NRTN: variants seen among roughly 807,000 people sequenced by gnomAD.
NRTN encodes the protein neurturin, also known as prepro-neurturin.
In NRTN, 3 loss-of-function variants were observed where a neutral mutation model predicts 7.5. That is an observed-to-expected ratio of 0.40 (90% CI 0.18 to 1.03). The LOEUF (loss-of-function observed/expected upper bound fraction) is 1.03. Among genes scored for constraint, NRTN ranks in the 50% least tolerant of loss-of-function variants. NRTN has a pLI of 0.34. For missense variants in NRTN, 310 were observed against 307.0 expected, an observed-to-expected ratio of 1.01 and a Z score of -0.07; for synonymous variants, 157 against 146.6, an observed-to-expected ratio of 1.07 and a Z score of -0.51.
rs2057045942 is a variant in NRTN, at chr19:5,826,243, G to C, written c.170-1506G>C. On this transcript the variant is annotated intron_variant, in intron 2 of 2. Transcript: ENST00000303212. ...TGTCTGCTTCGATGCACCCCTCTGG[G>C]GTTGGGTGTGCCCCCTAACCCCCCA... Among the ~76,000 whole-genome samples the C allele has an allele frequency of 2.0e-5, 3 of 152,168 alleles. No individual in the cohort carries two copies. The South Asian group carries it at 6.2e-4, about 32-fold the overall frequency.
At chr19:5,826,117 A>T (rs1298813913) in intron 2 of NRTN, among the ~76,000 whole-genome samples, 1 of 151,008 alleles carries the variant, frequency 6.6e-6, no homozygotes, top group Admixed American at 6.6e-5. Context: ...CCTGGGCGAC[A>T]GAGCGAGACT....
chr19:5,814,724 C>A (rs979376749), intron 1 of NRTN, among the ~76,000 whole-genome samples: 3 of 152,218 alleles, frequency 2.0e-5, no homozygotes, highest in Non-Finnish European at 1.5e-5. Context: ...CGTTGGGCTG[C>A]TCTTTGCCTC....
intron 2 of NRTN, among the ~76,000 whole-genome samples, chr19:5,825,621 G>A (rs551317468): frequency 1.3e-5 from 2 of 152,310 alleles, no homozygotes; most frequent in African/African-American, 4.8e-5. Context: ...CTTGGGGTGC[G>A]GGGGGCAAAG....
rs2057057221 is a variant in NRTN at position 5,828,255 on chromosome 19, G to A, written c.*82G>A. ...GCCGGCCCCGCGAAAGACTGCGCGT[G>A]CGTAGAGCACGCCGGCGCGGCCCCG... On this transcript the variant is annotated 3_prime_UTR_variant, in exon 3 of 3. Transcript: ENST00000303212. 1 of 1,442,896 alleles carries A rather than the reference G, an allele frequency of 6.9e-7. No homozygotes were observed. The highest frequency in any genetic ancestry group is 9.3e-7 in the Non-Finnish European group (1 of 1,081,010). The allele number at this position is 1,442,896 out of a possible 1,614,324, so 89.4% of individuals were successfully genotyped here.
chr19:5,810,754 C>G (rs1032195608), intron 1 of NRTN, among the ~76,000 whole-genome samples: 2 of 151,482 alleles, frequency 1.3e-5, no homozygotes, highest in African/African-American at 4.9e-5. Flanking sequence ...CATGGTGAAA[C>G]CCCATCTCTA....
In NRTN at chr19:5,807,563, AG is replaced by A. The variant is rs367666928; in HGVS notation, c.-399+2115del. On this transcript the variant is annotated intron_variant, in intron 1 of 2. Transcript: ENST00000303212. The stretch of plus-strand genomic sequence containing the variant: ...ATATGAATGGGGCATGCCTGCAGGA[AG>A]GGTGTCTCGGAGATGATGATGTTGG... Among the ~76,000 whole-genome samples the A allele has an allele frequency of 2.4e-3, 367 of 152,294 alleles. 5 individuals carry two copies. Among genetic ancestry groups the A allele is most frequent in the Middle Eastern group, 0.017 (5 of 294 alleles).
At chr19:5,812,913 TGCCGCG>T (rs2056994573) in intron 1 of NRTN, among the ~76,000 whole-genome samples, 1 of 152,186 alleles carries the variant, frequency 6.6e-6, no homozygotes, top group Non-Finnish European at 1.5e-5. Flanking sequence ...AACACATGTA[TGCCGCG>T]GCGTTCACAC....
intron 1 of NRTN, among the ~76,000 whole-genome samples, chr19:5,811,253 G>C (rs1259858021): frequency 6.6e-6 from 1 of 152,076 alleles, no homozygotes. Flanking sequence ...TAGAGGTTTT[G>C]CAGCCATTGA....
chr19:5,809,653 A>C (rs12610769), intron 1 of NRTN, among the ~76,000 whole-genome samples: 1,954 of 152,202 alleles, frequency 0.013, 50 homozygotes, highest in East Asian at 0.12. Flanking sequence ...TAGGCGCTCA[A>C]TAAGTGTTTG....
At chr19:5,823,601 A>G (rs1433923407) in intron 1 of NRTN, among the ~76,000 whole-genome samples, 167 bp from the exon 2 acceptor site, 1 of 152,176 alleles carries the variant, frequency 6.6e-6, no homozygotes, top group Non-Finnish European at 1.5e-5. Context: ...AAACAGGCTC[A>G]GAGAGGGGCA....
chr19:5,823,637 A>G (rs1486812450), intron 1 of NRTN, among the ~76,000 whole-genome samples, 131 bp from the exon 2 acceptor site: 1 of 152,168 alleles, frequency 6.6e-6, no homozygotes, highest in African/African-American at 2.4e-5. Flanking sequence ...ACCAGCATGT[A>G]GGGAACAGTG....
intron 1 of NRTN, among the ~76,000 whole-genome samples, chr19:5,812,622 G>A: frequency 6.6e-6 from 1 of 152,234 alleles, no homozygotes; most frequent in East Asian, 1.9e-4. Context: ...CCTCCCATGG[G>A]GTGGGCCCAG....
chr19:5,818,500 T>TG (rs757314596), intron 1 of NRTN, among the ~76,000 whole-genome samples: 1 of 152,064 alleles, frequency 6.6e-6, no homozygotes, highest in Non-Finnish European at 1.5e-5. Flanking sequence ...AGGCTGGTCT[T>TG]GAACTCCTGG....
In NRTN at chr19:5,826,443, G is replaced by GA. The variant is rs2057046740; in HGVS notation, c.170-1303dup. 6.6e-5 allele frequency among the ~76,000 whole-genome samples: 10 copies of GA among 152,152 alleles called. No individual in the cohort carries two copies. In the South Asian group the frequency reaches 2.1e-3, roughly 32 times the overall value. On this transcript the variant is annotated intron_variant, in intron 2 of 2. Transcript: ENST00000303212. The stretch of plus-strand genomic sequence containing the variant: ...ACTGAGGCCTGAGGTTGCAAGTGGC[G>GA]AAAGTGGCAGAGTCATGCTCTGAGG...
Position 5,809,599 on chromosome 19 carries a change from G to C in NRTN, c.-399+4148G>C, listed in dbSNP as rs567371007. 3.3e-5 allele frequency among the ~76,000 whole-genome samples: 5 copies of C among 152,280 alleles called. No individual in the cohort carries two copies. The East Asian group carries it at 9.6e-4, about 29-fold the overall frequency. On this transcript the variant is annotated intron_variant, in intron 1 of 2. Coordinates refer to ENST00000303212, the MANE Select transcript of NRTN (RefSeq NM_004558.5). ...CGGGGAGGGGCCCAGGGTGGCCTTG[G>C]TTACCACCGAGTCCCTGGTCCCCAG...
chr19:5,823,073 AG>A (rs2057031434), intron 1 of NRTN, among the ~76,000 whole-genome samples: 2 of 113,258 alleles, frequency 1.8e-5, no homozygotes, highest in African/African-American at 6.2e-5. Flanking sequence ...AGAAAGGAAG[AG>A]AAAAAGAAAG....
At position 5,827,928 on chromosome 19, in the gene NRTN, C is replaced by G; in HGVS notation, c.349C>G (p.Leu117Val). 6.7e-7 allele frequency: 1 copy of G among 1,481,550 alleles called. No homozygotes were observed. The highest frequency in any genetic ancestry group is 8.9e-7 in the Non-Finnish European group (1 of 1,120,246). The allele number at this position is 1,481,550 out of a possible 1,614,324, so 91.8% of individuals were successfully genotyped here. The change falls in exon 3 of 3, where the codon CTG becomes GTG. Residue 117 changes from leucine to valine, a missense_variant. Leu to Val is a conservative substitution (Grantham distance 32). Transcript: ENST00000303212. ...ELEVRVSELGLGYASDETVLF... is the reference protein window; with the variant it reads ...ELEVRVSELGVGYASDETVLF... ...GGAGGTGCGCGTGAGCGAGCTGGGC[C>G]TGGGCTACGCGTCCGACGAGACGGT...
intron 1 of NRTN, among the ~76,000 whole-genome samples, chr19:5,805,775 A>G (rs914253166): frequency 7.2e-5 from 11 of 152,148 alleles, no homozygotes; most frequent in African/African-American, 2.7e-4. Flanking sequence ...CCCTCCCCAG[A>G]ATCCCCTTAG....
Position 5,827,890 on chromosome 19 carries a change from G to GGCTGCGCGA in NRTN, c.316_324dup (p.Arg106_Leu108dup). The GGCTGCGCGA allele has an allele frequency of 7.2e-7, 1 of 1,387,396 alleles. No individual in the cohort carries two copies. Among genetic ancestry groups the GGCTGCGCGA allele is most frequent in the Non-Finnish European group, 9.4e-7 (1 of 1,066,816 alleles). 85.9% of individuals were successfully genotyped at this position (1,387,396 alleles called of 1,614,324 possible). A position where few individuals can be genotyped will look rare whatever the true frequency, so the allele number is the denominator to read the frequency against. ...GCGCGGTTGGGGGCGCGGCCTTGCGGGCTGCGCGAGCTGGAGGTGCGCGTG... is the reference window on the plus strand; with the variant it reads ...GCGCGGTTGGGGGCGCGGCCTTGCGGGCTGCGCGAGCTGCGCGAGCTGGAGGTGCGCGTG... On this transcript the variant is annotated inframe_insertion, in exon 3 of 3. Coordinates refer to ENST00000303212, the MANE Select transcript of NRTN (RefSeq NM_004558.5).
Sources: allele counts gnomAD v4.1 joint callset (sites outside exome capture counted in the v4.1 genomes callset), GRCh38; gene constraint gnomAD v4.1.1; transcripts MANE v1.5; gene names NCBI Gene and HGNC (gene_info 2026-07-23, HGNC 2026-07-21).